Variants in GRIN2B observed in about 807,000 individuals in gnomAD.
The protein encoded by GRIN2B is glutamate ionotropic receptor NMDA type subunit 2B, also known as glutamate receptor ionotropic, NMDA 2B.
In GRIN2B, 5 loss-of-function variants were observed where a neutral mutation model predicts 114.5. The observed-to-expected ratio is 0.04, with a 90% confidence interval of 0.02 to 0.09. The LOEUF (loss-of-function observed/expected upper bound fraction) is 0.09, where lower values mean the gene tolerates loss of function less well. Ranked by LOEUF, GRIN2B falls within the 10% of genes least tolerant of loss-of-function variation. The probability of loss-of-function intolerance (pLI) is 1.00; values close to 1 mark genes in which losing one functional copy is unlikely to be tolerated. For missense variants in GRIN2B, 1,108 were observed against 1,943.5 expected (o/e 0.57, Z 8.08); for synonymous variants, 787 against 745.1 (o/e 1.06, Z -0.92).
At chr12:13,616,329 A>G (rs1472043049) in intron 6 of GRIN2B, 126 bp downstream of exon 6, 3 of 739,594 alleles carry the variant, frequency 4.1e-6, no homozygotes, top group Non-Finnish European at 7.3e-6. Flanking sequence ...CCACAGCTCA[A>G]AAGCAACTAG....
chr12:13,943,092 C>T (rs990062367), intron 2 of GRIN2B, among the ~76,000 whole-genome samples: 2 of 152,064 alleles, frequency 1.3e-5, no homozygotes, highest in South Asian at 2.1e-4. Flanking sequence ...CTTAGAGCAG[C>T]CACTGCTCCC....
intron 3 of GRIN2B, among the ~76,000 whole-genome samples, chr12:13,758,844 G>A (rs968587270): frequency 3.9e-5 from 6 of 152,026 alleles, no homozygotes; most frequent in African/African-American, 1.5e-4. Context: ...GACTAAAAAT[G>A]TTTCTCAAGA....
At chr12:13,789,512 T>C (rs1336419471) in intron 3 of GRIN2B, among the ~76,000 whole-genome samples, 2 of 152,176 alleles carry the variant, frequency 1.3e-5, no homozygotes, top group African/African-American at 2.4e-5. Context: ...GCAAATACCC[T>C]AGTGTAAGAA....
intron 1 of GRIN2B, among the ~76,000 whole-genome samples, chr12:13,980,627 C>G (rs1863114671): frequency 6.6e-6 from 1 of 150,448 alleles, no homozygotes; most frequent in African/African-American, 2.5e-5. Flanking sequence ...AGGGAGCGAG[C>G]GAAGGAGGGA....
chr12:13,547,995 T>TTTTTTTTTTTTTTTC lies in GRIN2B; in HGVS notation c.*14787_*14788insGAAAAAAAAAAAAAA, dbSNP rs71067707. The TTTTTTTTTTTTTTTC allele has an allele frequency of 2.4e-5, 3 of 125,110 alleles. No homozygotes were observed. Among genetic ancestry groups the TTTTTTTTTTTTTTTC allele is most frequent in the East Asian group, 2.6e-4 (1 of 3,796 alleles). The allele number at this position is 125,110 out of a possible 1,614,324, so 7.7% of individuals were successfully genotyped here. The stretch of plus-strand genomic sequence containing the variant: ...TATATATATATATTTTTTTTTTTTT[T>TTTTTTTTTTTTTTTC]CTGAAAGCTACAGAAGAGACCACGG... On this transcript the variant is annotated 3_prime_UTR_variant, in exon 14 of 14. Transcript: ENST00000609686.
At chr12:13,832,636 C>A (rs1865171942) in intron 3 of GRIN2B, among the ~76,000 whole-genome samples, 1 of 152,106 alleles carries the variant, frequency 6.6e-6, no homozygotes, top group South Asian at 2.1e-4. Context: ...CATTATTATT[C>A]TCTTCTATAA....
chr12:13,668,953 GA>G (rs1336735979), intron 5 of GRIN2B, among the ~76,000 whole-genome samples: 16 of 148,254 alleles, frequency 1.1e-4, no homozygotes, highest in South Asian at 2.2e-4. Flanking sequence ...AAAAGGAAGA[GA>G]GGGGCGGTTG....
chr12:13,869,889 C>T (rs1865880153), intron 2 of GRIN2B, among the ~76,000 whole-genome samples: 2 of 152,176 alleles, frequency 1.3e-5, no homozygotes, highest in Non-Finnish European at 2.9e-5. Context: ...GGATAATATA[C>T]CTAACCTACA....
At chr12:13,870,559 G>A (rs1865888644) in intron 2 of GRIN2B, among the ~76,000 whole-genome samples, 1 of 152,166 alleles carries the variant, frequency 6.6e-6, no homozygotes, top group Non-Finnish European at 1.5e-5. Flanking sequence ...TGAGAAGCCA[G>A]GCCAACCCTG....
At chr12:13,914,018 A>C (rs936274206) in intron 2 of GRIN2B, among the ~76,000 whole-genome samples, 4 of 152,188 alleles carry the variant, frequency 2.6e-5, no homozygotes, top group Non-Finnish European at 5.9e-5. Flanking sequence ...CTTTGATCTT[A>C]GATTCAGCAG....
chr12:13,745,559 G>T (rs756314306), intron 4 of GRIN2B, among the ~76,000 whole-genome samples: 5 of 152,190 alleles, frequency 3.3e-5, no homozygotes, highest in Non-Finnish European at 7.3e-5. Context: ...CAGGACACCT[G>T]GCTTCTGTGC....
rs1366485131 is a variant in GRIN2B, at chr12:13,981,148, A to AC, written c.-448+193dup. Among the ~76,000 whole-genome samples, 24 of 119,690 alleles carry AC rather than the reference A, an allele frequency of 2.0e-4. No individual in the cohort carries two copies. The South Asian group carries it at 7.2e-3, about 36-fold the overall frequency. 78.5% of individuals were successfully genotyped at this position (119,690 alleles called of 152,430 possible). ...AGAGACAGCCCTACCCAGTCACAGCACCCCCTCCCCCACAAAAAAAAAAAA... is the reference window on the plus strand; with the variant it reads ...AGAGACAGCCCTACCCAGTCACAGCACCCCCCTCCCCCACAAAAAAAAAAAA... On this transcript the variant is annotated intron_variant, in intron 1 of 13. Coordinates refer to ENST00000609686, the MANE Select transcript of GRIN2B (RefSeq NM_000834.5).
chr12:13,855,518 G>A (rs1320365549), intron 3 of GRIN2B, among the ~76,000 whole-genome samples: 1 of 152,174 alleles, frequency 6.6e-6, no homozygotes, highest in African/African-American at 2.4e-5. Flanking sequence ...AAATCAAGGT[G>A]TCGGGAGTCT....
chr12:13,562,916 C>G lies in GRIN2B; in HGVS notation c.4322G>C (p.Arg1441Pro), dbSNP rs200903876. Residue 1441 changes from arginine (R) to proline (P), a missense_variant, in exon 14 of 14, where the codon CGT becomes CCT. This residue lies in a region of GRIN2B where 478 missense variants were observed against 506.0 expected (regional missense o/e 0.94). Coordinates refer to ENST00000609686, the MANE Select transcript of GRIN2B (RefSeq NM_000834.5). ...VSALHGAVPARFQKDICIGNQ... is the reference protein window; with the variant it reads ...VSALHGAVPAPFQKDICIGNQ... Reference sequence around the variant, plus strand: ...CCCTATACAGATGTCCTTCTGGAAACGGGCTGGCACGGCCCCATGAAGGGC... The same window carrying G: ...CCCTATACAGATGTCCTTCTGGAAAGGGGCTGGCACGGCCCCATGAAGGGC... The G allele has an allele frequency of 6.2e-7, 1 of 1,614,218 alleles. No homozygotes were observed. Among genetic ancestry groups the G allele is most frequent in the Non-Finnish European group, 8.5e-7 (1 of 1,180,042 alleles).
intron 2 of GRIN2B, among the ~76,000 whole-genome samples, chr12:13,876,562 C>G (rs1037805594): frequency 1.3e-5 from 2 of 152,150 alleles, no homozygotes; most frequent in African/African-American, 4.8e-5. Context: ...AAATTCTAAT[C>G]CCAGGGAGAG....
chr12:13,742,905 C>T (rs939854849), intron 4 of GRIN2B, among the ~76,000 whole-genome samples: 3 of 152,222 alleles, frequency 2.0e-5, no homozygotes, highest in African/African-American at 7.2e-5. Flanking sequence ...GATTTACCTT[C>T]CTTCCTTTCT....
chr12:13,775,235 A>C (rs561548173), intron 3 of GRIN2B, among the ~76,000 whole-genome samples: 92 of 152,190 alleles, frequency 6.0e-4, no homozygotes, highest in Non-Finnish European at 1.1e-3. Flanking sequence ...GAGGAGCAAA[A>C]GATAAACAGA....
At chr12:13,570,103 T>C in intron 11 of GRIN2B, 86 bp from the exon 12 acceptor site, 2 of 907,098 alleles carry the variant, frequency 2.2e-6, no homozygotes, top group South Asian at 2.8e-5. Flanking sequence ...GCAGTAGGGT[T>C]CCAGAAAACT....
At chr12:13,914,855 A>G (rs565672010) in intron 2 of GRIN2B, among the ~76,000 whole-genome samples, 3 of 152,304 alleles carry the variant, frequency 2.0e-5, no homozygotes, top group African/African-American at 7.2e-5. Flanking sequence ...ACTCTCATAT[A>G]TGAGAGATAA....
Sources: allele counts gnomAD v4.1 joint callset (sites outside exome capture counted in the v4.1 genomes callset), GRCh38; gene constraint gnomAD v4.1.1; regional missense constraint gnomAD v4.1.1; transcripts MANE v1.5; gene names NCBI Gene and HGNC (gene_info 2026-07-23, HGNC 2026-07-21).